Variants in ARID1A observed in about 807,000 individuals in gnomAD.
ARID1A encodes AT-rich interaction domain 1A.
In ARID1A, 20 loss-of-function variants were observed where a neutral mutation model predicts 212.6. The observed-to-expected ratio is 0.09, with a 90% confidence interval of 0.07 to 0.14. The LOEUF (loss-of-function observed/expected upper bound fraction) is 0.14, where lower values mean the gene tolerates loss of function less well. ARID1A is among the 10% of genes least tolerant of loss of function. The pLI, the probability that ARID1A is intolerant of heterozygous loss-of-function variation, is 1.00. For synonymous variants in ARID1A, 1,376 were observed against 1,222.1 expected (o/e 1.13, Z -2.63); for missense variants, 2,587 against 3,059.0 (o/e 0.85, Z 3.64).
Position 26,696,831 on chromosome 1 carries a change from T to C in ARID1A, c.428T>C (p.Leu143Ser). Residue 143 changes from leucine (L) to serine (S), a missense_variant, in exon 1 of 20, where the codon TTG (leucine) becomes TCG (serine). By Grantham distance (145) the Leu-to-Ser change is moderately radical (BLOSUM62 -2). Transcript: ENST00000324856. ...CCTCCTCACTCAGCCGCGGCCGCCTTGCCGCCCCCAGCCTACGGCTTCGGG... is the reference window on the plus strand; with the variant it reads ...CCTCCTCACTCAGCCGCGGCCGCCTCGCCGCCCCCAGCCTACGGCTTCGGG... ...GAPPHSAAAA[L>S]PPPAYGFGQP... 7.5e-7 allele frequency: 1 copy of C among 1,338,100 alleles called. No individual in the cohort carries two copies. Among genetic ancestry groups the C allele is most frequent in the Non-Finnish European group, 9.5e-7 (1 of 1,047,198 alleles). The allele number at this position is 1,338,100 out of a possible 1,614,324, so 82.9% of individuals were successfully genotyped here.
At chr1:26,698,107 T>C (rs2124746758) in intron 1 of ARID1A, among the ~76,000 whole-genome samples, 1 of 152,350 alleles carries the variant, frequency 6.6e-6, no homozygotes, top group South Asian at 2.1e-4. Flanking sequence ...ATCTCCTGTC[T>C]TAGGCTCCGC....
intron 4 of ARID1A, among the ~76,000 whole-genome samples, chr1:26,740,010 A>G (rs2080773331): frequency 6.6e-6 from 1 of 152,088 alleles, no homozygotes; most frequent in Non-Finnish European, 1.5e-5. Context: ...AAAAAGAAAA[A>G]AAAAACCTGG....
intron 19 of ARID1A, chr1:26,775,966 C>A: frequency 1.7e-6 from 1 of 601,912 alleles, no homozygotes. Context: ...AGTAAGAATT[C>A]AGATTCAATC....
chr1:26,728,696 C>CATGCCT (rs947890591), intron 1 of ARID1A, among the ~76,000 whole-genome samples: 3 of 152,168 alleles, frequency 2.0e-5, no homozygotes, highest in African/African-American at 7.2e-5. Flanking sequence ...ATATCAGACC[C>CATGCCT]ATGCCTACTC....
At chr1:26,717,831 T>C (rs2080517815) in intron 1 of ARID1A, among the ~76,000 whole-genome samples, 1 of 152,146 alleles carries the variant, frequency 6.6e-6, no homozygotes, top group African/African-American at 2.4e-5. Context: ...TGAAGTGATA[T>C]TTGACATGAA....
chr1:26,742,186 C>T (rs1010289562), intron 4 of ARID1A, among the ~76,000 whole-genome samples: 1 of 152,190 alleles, frequency 6.6e-6, no homozygotes, highest in African/African-American at 2.4e-5. Context: ...TGCCATTTAG[C>T]ATTTGCTAGA....
chr1:26,773,622 G>T lies in ARID1A; in HGVS notation c.3909G>T (p.Gly1303=), dbSNP rs139187791. ...GGCCTGAGGGAAACATGAGCACTGG[G>T]GCCCCACAGCCGAATCTCATGCCTT... ...GIGPEGNMST[G]APQPNLMPSN... is the part of the protein sequence containing the mutation. The change falls in exon 16 of 20, where the codon GGG becomes GGT. Residue 1303 remains glycine (G), a synonymous_variant. Transcript: ENST00000324856. The T allele has an allele frequency of 1.9e-6, 3 of 1,614,050 alleles. No homozygotes were observed. The highest frequency in any genetic ancestry group is 2.5e-6 in the Non-Finnish European group (3 of 1,180,036).
At position 26,731,315 on chromosome 1, in the gene ARID1A, A is replaced by G. The variant is rs2080674081; in HGVS notation, c.1514A>G (p.Gln505Arg). Reference protein sequence around the residue: ...HAQPSYQQQPQSQPPQLQSSQ... With the variant: ...HAQPSYQQQPRSQPPQLQSSQ... The stretch of plus-strand genomic sequence containing the variant: ...CAACCTTCGTATCAGCAGCAGCCAC[A>G]GTCTCAACCACCACAGCTCCAGTCC... Residue 505 changes from glutamine to arginine, a missense_variant, in exon 3 of 20, where the codon CAG becomes CGG. Transcript: ENST00000324856. The G allele has an allele frequency of 6.2e-7, 1 of 1,613,494 alleles. No individual in the cohort carries two copies. The highest frequency in any genetic ancestry group is 8.5e-7 in the Non-Finnish European group (1 of 1,179,830).
At chr1:26,737,659 A>T (rs1396373523) in intron 4 of ARID1A, among the ~76,000 whole-genome samples, 1 of 152,024 alleles carries the variant, frequency 6.6e-6, no homozygotes, top group Non-Finnish European at 1.5e-5. Flanking sequence ...TGAGGTCGAG[A>T]GTTTGAGACC....
chr1:26,703,280 C>T (rs1048164483), intron 1 of ARID1A, among the ~76,000 whole-genome samples: 2 of 152,136 alleles, frequency 1.3e-5, no homozygotes, highest in Admixed American at 1.3e-4. Context: ...AAAAACATAT[C>T]TGGGTTCCTT....
At chr1:26,750,267 C>T (rs1188577054) in intron 4 of ARID1A, among the ~76,000 whole-genome samples, 2 of 152,172 alleles carry the variant, frequency 1.3e-5, no homozygotes. Flanking sequence ...CTTCTGATTC[C>T]TCACTGCCTC....
At chr1:26,739,491 G>C (rs2080766994) in intron 4 of ARID1A, among the ~76,000 whole-genome samples, 1 of 152,188 alleles carries the variant, frequency 6.6e-6, no homozygotes. Flanking sequence ...GAAGTAGGTA[G>C]TCACCTTTAA....
chr1:26,740,270 TATG>T (rs1467643228), intron 4 of ARID1A, among the ~76,000 whole-genome samples: 4 of 152,244 alleles, frequency 2.6e-5, no homozygotes, highest in Non-Finnish European at 5.9e-5. Flanking sequence ...TGATTCCGAA[TATG>T]ATACGATGAT....
chr1:26,760,592 G>A (rs2080981938), intron 4 of ARID1A, among the ~76,000 whole-genome samples: 1 of 152,124 alleles, frequency 6.6e-6, no homozygotes, highest in Non-Finnish European at 1.5e-5. Context: ...GGGAGGCTGA[G>A]GCAGGAGAAT....
chr1:26,768,087 C>T, intron 11 of ARID1A, 88 bp downstream of exon 11: 1 of 1,353,318 alleles, frequency 7.4e-7, no homozygotes, highest in South Asian at 1.4e-5. Flanking sequence ...TACCATGCAT[C>T]CCACAGGGAC....
intron 8 of ARID1A, chr1:26,765,936 G>A (rs1469182255): frequency 2.9e-6 from 1 of 341,608 alleles, no homozygotes; most frequent in Non-Finnish European, 5.3e-6. Flanking sequence ...TAGGCACTCA[G>A]GAGGCTGAGG....
chr1:26,696,534 C>T lies in ARID1A; in HGVS notation c.131C>T (p.Ala44Val). The change falls in exon 1 of 20, where the codon GCG becomes GTG. Residue 44 changes from alanine to valine, a missense_variant. This residue lies in a region of ARID1A where 735 missense variants were observed against 590.6 expected (regional missense o/e 1.24). Transcript: ENST00000324856. Reference sequence around the variant, plus strand: ...GGGGGCGAGGCGGCGGCGGCGGCAGCGGCCGAGCGCGGGGAAATGAAGGCA... The same window carrying T: ...GGGGGCGAGGCGGCGGCGGCGGCAGTGGCCGAGCGCGGGGAAATGAAGGCA... ...EAGGEAAAAA[A>V]AERGEMKAAA... The T allele has an allele frequency of 8.1e-7, 1 of 1,227,404 alleles. No homozygotes were observed. 76.0% of individuals were successfully genotyped at this position (1,227,404 alleles called of 1,614,324 possible).
rs2124081568 is a variant in ARID1A at position 26,766,493 on chromosome 1, A to G, written c.2915A>G (p.Asp972Gly). 1 of 1,614,090 alleles carries G rather than the reference A, an allele frequency of 6.2e-7. No homozygotes were observed. Among genetic ancestry groups the G allele is most frequent in the Non-Finnish European group, 8.5e-7 (1 of 1,180,002 alleles). Residue 972 changes from aspartate (D) to glycine (G), a missense_variant, in exon 10 of 20, where the codon GAT becomes GGT. Asp to Gly is a moderately conservative substitution (Grantham distance 94). This residue lies in a region of ARID1A where 674 missense variants were observed against 813.4 expected (regional missense o/e 0.83). Coordinates refer to ENST00000324856, the MANE Select transcript of ARID1A (RefSeq NM_006015.6). ...AGCCCAGAGATGATGGGCCTTGGGG[A>G]TGTAAAGTTAACTCCAGCCACCAAA... is the stretch of plus-strand genomic sequence containing the variant. ...AASPEMMGLG[D>G]VKLTPATKMN...
intron 1 of ARID1A, among the ~76,000 whole-genome samples, chr1:26,706,047 T>C (rs985763207): frequency 1.9e-4 from 29 of 152,208 alleles, no homozygotes; most frequent in African/African-American, 6.0e-4. Context: ...CAGGAAGTTA[T>C]GTTGATATAA....
Sources: allele counts gnomAD v4.1 joint callset (sites outside exome capture counted in the v4.1 genomes callset), GRCh38; gene constraint gnomAD v4.1.1; regional missense constraint gnomAD v4.1.1; transcripts MANE v1.5; gene names NCBI Gene and HGNC (gene_info 2026-07-23, HGNC 2026-07-21).